Variants in IBTK observed in about 807,000 individuals in gnomAD.
IBTK encodes the protein inhibitor of Bruton tyrosine kinase.
Under a neutral mutation model 154.9 loss-of-function variants are expected in IBTK, and 83 were observed. The ratio of observed to expected loss-of-function variants is 0.54; its 90% CI spans 0.45 to 0.64. IBTK has a LOEUF of 0.64. IBTK is among the 30% of genes least tolerant of loss of function. IBTK has a pLI of 0.00. For missense variants in IBTK, 1,332 were observed against 1,584.6 expected (o/e 0.84, Z 2.71); for synonymous variants, 515 against 536.1 (o/e 0.96, Z 0.54).
chr6:82,218,212 C>A, intron 9 of IBTK, 75 bp from the exon 10 acceptor site: 1 of 1,065,920 alleles, frequency 9.4e-7, no homozygotes, highest in Non-Finnish European at 1.3e-6. Context: ...ATCAAGATAT[C>A]AAGAGACAAT....
At chr6:82,242,590 A>T (rs78701925) in intron 1 of IBTK, among the ~76,000 whole-genome samples, 2,380 of 152,228 alleles carry the variant, frequency 0.016, 63 homozygotes, top group African/African-American at 0.054. Flanking sequence ...CATAAAAATC[A>T]TCTCCCCCTT....
intron 19 of IBTK, among the ~76,000 whole-genome samples, chr6:82,200,923 T>C (rs1769187652): frequency 6.6e-6 from 1 of 152,014 alleles, no homozygotes; most frequent in Non-Finnish European, 1.5e-5. Context: ...TTAAATTATG[T>C]AAGATATTCC....
chr6:82,180,779 A>T (rs758765469), intron 26 of IBTK, among the ~76,000 whole-genome samples: 1 of 152,208 alleles, frequency 6.6e-6, no homozygotes, highest in Non-Finnish European at 1.5e-5. Context: ...CATTGTTGTC[A>T]GAAGACTTTG....
chr6:82,197,357 C>G (rs1228093063), intron 21 of IBTK, among the ~76,000 whole-genome samples: 1 of 141,938 alleles, frequency 7.0e-6, no homozygotes, highest in Non-Finnish European at 1.5e-5. Context: ...TTTTTTTTGC[C>G]ACACAATCTT....
intron 22 of IBTK, 81 bp downstream of exon 22, chr6:82,196,217 C>A: frequency 8.5e-7 from 1 of 1,175,946 alleles, no homozygotes; most frequent in Non-Finnish European, 1.2e-6. Context: ...AAAATTAGGG[C>A]AAAAATAAGG....
chr6:82,197,373 A>ATTTTT (rs11422131), intron 21 of IBTK, among the ~76,000 whole-genome samples: 44 of 138,426 alleles, frequency 3.2e-4, no homozygotes, highest in African/African-American at 1.1e-3. Flanking sequence ...ATCTTTTTGA[A>ATTTTT]TTTTTTTTTT....
chr6:82,194,156 T>C (rs545980842), intron 23 of IBTK, among the ~76,000 whole-genome samples: 3 of 152,266 alleles, frequency 2.0e-5, no homozygotes, highest in Non-Finnish European at 4.4e-5. Flanking sequence ...ATTGACAAAA[T>C]TGTCTTCCTG....
At chr6:82,192,513 G>A (rs1408060948) in intron 23 of IBTK, among the ~76,000 whole-genome samples, 2 of 152,034 alleles carry the variant, frequency 1.3e-5, no homozygotes, top group South Asian at 2.1e-4. Flanking sequence ...TTGGGAGGCC[G>A]AGGCGGGTGG....
At chr6:82,218,291 A>G (rs1280992699) in intron 9 of IBTK, among the ~76,000 whole-genome samples, 154 bp from the exon 10 acceptor site, 2 of 152,234 alleles carry the variant, frequency 1.3e-5, no homozygotes, top group East Asian at 1.9e-4. Context: ...GATAGCTACT[A>G]TAAGAAAAAT....
At chr6:82,180,405 G>A (rs920941274) in intron 26 of IBTK, among the ~76,000 whole-genome samples, 5 of 151,750 alleles carry the variant, frequency 3.3e-5, no homozygotes, top group African/African-American at 4.8e-5. Context: ...CCACCAAGCC[G>A]AGCTAATTTA....
chr6:82,195,593 C>G (rs1394921328), intron 22 of IBTK, among the ~76,000 whole-genome samples: 2 of 151,670 alleles, frequency 1.3e-5, no homozygotes, highest in East Asian at 1.9e-4. Flanking sequence ...AAAAAAAAAT[C>G]AAATCAATCC....
chr6:82,185,017 T>C (rs910067565), intron 25 of IBTK, among the ~76,000 whole-genome samples: 4 of 151,686 alleles, frequency 2.6e-5, no homozygotes, highest in African/African-American at 9.7e-5. Context: ...ACCCCATCTC[T>C]ACTAAAAATA....
chr6:82,211,576 C>A lies in IBTK; in HGVS notation c.2292-4G>T. ...GGTCACGTCACACAGAAATGAACTG[C>A]AAGAAAATGTTTAATTGAAGCAAGA... On this transcript the variant is annotated splice_region_variant and splice_polypyrimidine_tract_variant and intron_variant, in intron 13 of 28. Transcript: ENST00000306270. 1 of 1,608,858 alleles carries A rather than the reference C, an allele frequency of 6.2e-7. No homozygotes were observed.
chr6:82,199,993 G>C (rs532457316), intron 21 of IBTK, 148 bp downstream of exon 21: 2 of 573,912 alleles, frequency 3.5e-6, no homozygotes, highest in African/African-American at 3.8e-5. Flanking sequence ...TGTGCTCCCA[G>C]AGCAAACTTC....
intron 16 of IBTK, chr6:82,205,641 C>G (rs936206750): frequency 7.2e-5 from 11 of 152,478 alleles, no homozygotes; most frequent in African/African-American, 2.6e-4. Flanking sequence ...TGGCACATGC[C>G]TGTAGTCCCA....
rs1472288148 is a variant in IBTK at position 82,214,672 on chromosome 6, C to T, written c.1759G>A (p.Asp587Asn). The change falls in exon 12 of 29, where the codon GAT becomes AAT. Residue 587 changes from aspartate (D) to asparagine (N), a missense_variant. Around this residue, in one of 3 missense-constraint regions of IBTK, gnomAD observed 1,134 missense variants for 1,274.7 expected, o/e 0.89. Transcript: ENST00000306270. Reference protein sequence around the residue: ...AHKYILAVHSDFFQKLFLSDG... With the variant: ...AHKYILAVHSNFFQKLFLSDG... ...GAAAGAAACAATTTCTGAAAAAAAT[C>T]AGAATGCACTGCCAAAATATATTTA... is the stretch of plus-strand genomic sequence containing the variant. 22 of 1,613,818 alleles carry T rather than the reference C, an allele frequency of 1.4e-5. No individual in the cohort carries two copies. The Admixed American group carries it at 3.0e-4, about 22-fold the overall frequency.
intron 23 of IBTK, among the ~76,000 whole-genome samples, chr6:82,192,661 C>T (rs931803344): frequency 2.0e-5 from 3 of 151,000 alleles, no homozygotes; most frequent in Admixed American, 6.6e-5. Flanking sequence ...GCAGGAGAAC[C>T]GCTTGAACCT....
intron 26 of IBTK, among the ~76,000 whole-genome samples, chr6:82,177,613 C>T (rs574754375): frequency 1.9e-4 from 29 of 152,112 alleles, no homozygotes; most frequent in African/African-American, 7.0e-4. Context: ...AGGGTTTCTC[C>T]ATGTTGGTCA....
At chr6:82,204,796 A>G in intron 17 of IBTK, 61 bp downstream of exon 17, 1 of 1,051,142 alleles carries the variant, frequency 9.5e-7, no homozygotes, top group Non-Finnish European at 1.4e-6. Flanking sequence ...AAAGTCAATA[A>G]AGTACAGTAA....
Sources: gnomAD v4.1 joint callset for allele counts (sites outside exome capture counted in the v4.1 genomes callset) on GRCh38, gnomAD v4.1.1 for gene constraint, gnomAD v4.1.1 regional missense constraint, MANE v1.5 for transcripts, NCBI Gene and HGNC (gene_info 2026-07-23, HGNC 2026-07-21) for gene names.